The following SPTAN1 variants were observed in gnomAD, a reference collection of about 807,000 sequenced individuals.
SPTAN1 encodes spectrin alpha, non-erythrocytic 1.
A neutral mutation model predicts 331.3 loss-of-function variants in SPTAN1; 61 were observed. The observed-to-expected ratio is 0.18, with a 90% confidence interval of 0.15 to 0.23. The LOEUF is 0.23. Ranked by LOEUF, SPTAN1 falls within the 10% of genes least tolerant of loss-of-function variation. The pLI is 1.00. For synonymous variants in SPTAN1, 1,153 were observed against 1,173.9 expected, an observed-to-expected ratio of 0.98 and a Z score of 0.36; for missense variants, 2,043 against 3,147.9, an observed-to-expected ratio of 0.65 and a Z score of 8.40.
chr9:128,578,387 T>G, intron 9 of SPTAN1, 142 bp downstream of exon 9: 1 of 1,208,034 alleles, frequency 8.3e-7, no homozygotes. Context: ...ATGGTTGGTT[T>G]TGCCTTTGGA....
intron 40 of SPTAN1, among the ~76,000 whole-genome samples, chr9:128,614,112 T>C (rs1856856061): frequency 6.6e-6 from 1 of 152,152 alleles, no homozygotes; most frequent in Middle Eastern, 3.4e-3. Context: ...TTGATTCGGG[T>C]AAGTGTGAAT....
Position 128,607,666 on chromosome 9 carries a change from A to T in SPTAN1, c.4109A>T (p.Asp1370Val). 6.2e-7 allele frequency: 1 copy of T among 1,614,018 alleles called. No homozygotes were observed. The highest frequency in any genetic ancestry group is 8.5e-7 in the Non-Finnish European group (1 of 1,180,022). ...GLVSSDELAK[D>V]VTGAEALLER... ...GTGTCCTCAGATGAGCTAGCCAAGG[A>T]TGTCACCGGAGCTGAGGCATTGCTG... The change falls in exon 32 of 57, where the codon GAT (aspartate) becomes GTT (valine). Residue 1370 changes from aspartate (D) to valine (V), a missense_variant. Physicochemically the swap from Asp to Val is radical, Grantham distance 152. Coordinates refer to ENST00000372739, the MANE Select transcript of SPTAN1 (RefSeq NM_001130438.3).
rs3814530 is a variant in SPTAN1, at chr9:128,591,710, G to A, written c.3155+85G>A. The A allele has an allele frequency of 0.99, 1,555,708 of 1,577,158 alleles. 768,777 individuals carry two copies. The highest frequency in any genetic ancestry group is 1 in the Non-Finnish European group (1,157,452 of 1,158,002). ...ATGGGCCGAAGCTTAGGCGTGTCCT[G>A]AGGCTCCTGGAGCCCACCTGCACGC... On this transcript the variant is annotated intron_variant, in intron 22 of 56. Coordinates refer to ENST00000372739, the MANE Select transcript of SPTAN1 (RefSeq NM_001130438.3).
chr9:128,581,090 G>A (rs1851884145), intron 11 of SPTAN1, 31 bp downstream of exon 11: 21 of 1,613,094 alleles, frequency 1.3e-5, no homozygotes, highest in Non-Finnish European at 1.6e-5. Context: ...TGCCAGTGGT[G>A]GGAGAAGAAG....
At position 128,568,832 on chromosome 9, in the gene SPTAN1, G is replaced by A. The variant is rs771631539; in HGVS notation, c.298G>A (p.Val100Ile). 1.9e-6 allele frequency: 3 copies of A among 1,614,144 alleles called. No homozygotes were observed. Among genetic ancestry groups the A allele is most frequent in the Non-Finnish European group, 2.5e-6 (3 of 1,180,022 alleles). The change falls in exon 3 of 57, where the codon GTT (valine) becomes ATT (isoleucine). Residue 100 changes from valine to isoleucine, a missense_variant. Val to Ile is a conservative substitution (Grantham distance 29). Coordinates refer to ENST00000372739, the MANE Select transcript of SPTAN1 (RefSeq NM_001130438.3). ...AGTGCAGGCCAACTCAGGAGCCATTGTTAAGCTGGATGAAACTGGAAACCT... is the reference window on the plus strand; with the variant it reads ...AGTGCAGGCCAACTCAGGAGCCATTATTAAGCTGGATGAAACTGGAAACCT... ...AEVQANSGAI[V>I]KLDETGNLMI...
chr9:128,610,062 A>G (rs1170515598), intron 37 of SPTAN1, among the ~76,000 whole-genome samples: 1 of 152,074 alleles, frequency 6.6e-6, no homozygotes, highest in Non-Finnish European at 1.5e-5. Flanking sequence ...TGGGTTGGGG[A>G]GGCCAGTCTG....
intron 3 of SPTAN1, among the ~76,000 whole-genome samples, chr9:128,573,307 C>T (rs1396801513): frequency 6.6e-6 from 1 of 152,166 alleles, no homozygotes; most frequent in African/African-American, 2.4e-5. Flanking sequence ...GAAGTGAATA[C>T]GTTTGACCCT....
At position 128,598,524 on chromosome 9, in the gene SPTAN1, AGTGAGGCTCTGTTGCT is replaced by A. The variant is rs751535998; in HGVS notation, c.3519+23_3519+38del. 14 of 1,556,096 alleles carry A rather than the reference AGTGAGGCTCTGTTGCT, an allele frequency of 9.0e-6. No individual in the cohort carries two copies. The highest frequency in any genetic ancestry group is 1.1e-5 in the Non-Finnish European group (13 of 1,135,010). ...CAACAGGTAGGTGTCTCCATCTTGG[AGTGAGGCTCTGTTGCT>A]GTAAGGATGCAGCTTTGTTCCTCTT... On this transcript the variant is annotated intron_variant, in intron 25 of 56. Transcript: ENST00000372739.
intron 18 of SPTAN1, 103 bp downstream of exon 18, chr9:128,584,946 T>C: frequency 7.4e-7 from 1 of 1,359,312 alleles, no homozygotes; most frequent in South Asian, 1.2e-5. Flanking sequence ...GCTCTGGGGC[T>C]GAATACCATC....
In SPTAN1 at chr9:128,629,476, C is replaced by G. The variant is rs1859322970; in HGVS notation, c.6708-845C>G. ...GGGGAGATTGCAGAGCTAACCCTGG[C>G]TCGCCGGGTTTTAAAAGGGTAGGTT... On this transcript the variant is annotated intron_variant, in intron 51 of 56. Transcript: ENST00000372739. The surrounding 1 kb of genome is among the most constrained non-coding windows in gnomAD (Gnocchi z 4.9). 6.6e-6 allele frequency among the ~76,000 whole-genome samples: 1 copy of G among 152,128 alleles called. No individual in the cohort carries two copies. The highest frequency in any genetic ancestry group is 2.4e-5 in the African/African-American group (1 of 41,430).
rs549736000 is a variant in SPTAN1 at position 128,608,114 on chromosome 9, C to T, written c.4345-16C>T. The T allele has an allele frequency of 1.9e-5, 31 of 1,614,186 alleles. No homozygotes were observed. In the East Asian group the frequency reaches 6.0e-4, roughly 31 times the overall value. ...TGAAGGGCCTCATTTTCTCACCTGC[C>T]TCTTGCCCTCTTTAGCTGTTCCATC... is the stretch of plus-strand genomic sequence containing the variant. On this transcript the variant is annotated splice_polypyrimidine_tract_variant and intron_variant, in intron 33 of 56. Transcript: ENST00000372739.
At chr9:128,605,764 G>T (rs539784925) in intron 31 of SPTAN1, among the ~76,000 whole-genome samples, 1 of 152,088 alleles carries the variant, frequency 6.6e-6, no homozygotes, top group African/African-American at 2.4e-5. Flanking sequence ...GGCCAAGGCG[G>T]GCAGATCACC....
intron 19 of SPTAN1, 37 bp from the exon 20 acceptor site, chr9:128,587,569 C>T: frequency 1.9e-6 from 3 of 1,582,032 alleles, no homozygotes; most frequent in East Asian, 4.5e-5. Flanking sequence ...GAGGCTTCAG[C>T]CCCTGCACAG....
intron 21 of SPTAN1, 76 bp from the exon 22 acceptor site, chr9:128,591,401 T>G: frequency 1.9e-6 from 3 of 1,584,836 alleles, no homozygotes; most frequent in Non-Finnish European, 2.6e-6. Flanking sequence ...CTCGTGTGTG[T>G]GTATACACGT....
intron 17 of SPTAN1, 98 bp downstream of exon 17, chr9:128,584,623 A>T: frequency 6.2e-7 from 1 of 1,614,044 alleles, no homozygotes; most frequent in Non-Finnish European, 8.5e-7. Context: ...TCGAATTTAA[A>T]TTATTGAACT....
chr9:128,588,173 T>G (rs1466125968), intron 20 of SPTAN1, among the ~76,000 whole-genome samples: 2 of 151,902 alleles, frequency 1.3e-5, no homozygotes, highest in African/African-American at 4.8e-5. Flanking sequence ...AATTTTTGTA[T>G]TTTTAGTAGA....
intron 28 of SPTAN1, among the ~76,000 whole-genome samples, chr9:128,603,892 G>A (rs867500481): frequency 2.0e-5 from 3 of 152,230 alleles, no homozygotes; most frequent in Non-Finnish European, 2.9e-5. Context: ...CTTCCTTGCC[G>A]CCTGCAGTGC....
chr9:128,588,858 C>T lies in SPTAN1; in HGVS notation c.2921C>T (p.Ala974Val). 6.2e-7 allele frequency: 1 copy of T among 1,614,146 alleles called. No individual in the cohort carries two copies. The highest frequency in any genetic ancestry group is 8.5e-7 in the Non-Finnish European group (1 of 1,180,030). The change falls in exon 21 of 57, where the codon GCT becomes GTT. Residue 974 changes from alanine to valine, a missense_variant. Coordinates refer to ENST00000372739, the MANE Select transcript of SPTAN1 (RefSeq NM_001130438.3). The part of the protein sequence containing the change: ...DDETGKELVL[A>V]LYDYQEKSPR... ...GAGACTGGGAAGGAGCTGGTCTTGGCTCTCTACGACTATCAGGAGAAGAGT... is the reference window on the plus strand; with the variant it reads ...GAGACTGGGAAGGAGCTGGTCTTGGTTCTCTACGACTATCAGGAGAAGAGT...
At chr9:128,621,994 C>T (rs1467843172) in intron 45 of SPTAN1, 3 of 153,562 alleles carry the variant, frequency 2.0e-5, no homozygotes, top group Admixed American at 1.3e-4. Flanking sequence ...ACACACACAT[C>T]ATGAGTAAGA....
Sources: allele counts gnomAD v4.1 joint callset (sites outside exome capture counted in the v4.1 genomes callset), GRCh38; gene constraint gnomAD v4.1.1; non-coding constraint Gnocchi (gnomAD v3.1); transcripts MANE v1.5; gene names NCBI Gene and HGNC (gene_info 2026-07-23, HGNC 2026-07-21).